The following RNF213 variants were observed in gnomAD, a reference collection of about 807,000 sequenced individuals.
The protein encoded by RNF213 is E3 ubiquitin-protein ligase RNF213.
Under a neutral mutation model 514.4 loss-of-function variants are expected in RNF213, and 341 were observed. The observed-to-expected ratio is 0.66, with a 90% CI of 0.61 to 0.73. RNF213 has a LOEUF of 0.73. Ranked by LOEUF, RNF213 falls within the 30% of genes least tolerant of loss-of-function variation. The pLI is 0.00. For synonymous variants in RNF213, 2,655 were observed against 2,658.2 expected (o/e 1.00, Z 0.04); for missense variants, 5,767 against 6,615.6 (o/e 0.87, Z 4.45).
chr17:80,279,116 T>C (rs987978485), intron 3 of RNF213, among the ~76,000 whole-genome samples: 8 of 152,236 alleles, frequency 5.3e-5, no homozygotes, highest in African/African-American at 1.9e-4. Flanking sequence ...GATGTTTTGC[T>C]AGTGGTGAAT....
At chr17:80,279,560 G>T (rs2044185385) in intron 3 of RNF213, among the ~76,000 whole-genome samples, 1 of 152,048 alleles carries the variant, frequency 6.6e-6, no homozygotes, top group South Asian at 2.1e-4. Flanking sequence ...CGCGTGCAGG[G>T]TTCAAGCGAT....
rs565127898 is a variant in RNF213, at chr17:80,316,827, G to C, written c.2812-361G>C. 1.6e-4 allele frequency among the ~76,000 whole-genome samples: 24 copies of C among 152,386 alleles called. No individual in the cohort carries two copies. In the East Asian group the frequency reaches 4.4e-3, roughly 28 times the overall value. ...AAAGCAGCTGTGTGAAGCGTGAATC[G>C]CACAGGACTGGAGTTGAATGAATGT... On this transcript the variant is annotated intron_variant, in intron 15 of 67. Transcript: ENST00000582970.
Position 80,346,484 on chromosome 17 carries a change from GA to G in RNF213, c.8150del (p.Asp2717AlafsTer9). The stretch of plus-strand genomic sequence containing the variant: ...CAGGTTCTTTCCGAAACCGTATGAC[GA>G]CAGCAGGCTGCTTCTGGATGAAATA... ...IARFFPKPYD[D>X]SRLLLDEITR... is the part of the protein sequence containing the mutation. On this transcript the variant is annotated frameshift_variant, in exon 29 of 68. Transcript: ENST00000582970. LOFTEE classifies it high-confidence loss of function. The surrounding 1 kb of genome is among the most constrained non-coding windows in gnomAD (Gnocchi z 8.1). The G allele has an allele frequency of 1.2e-6, 2 of 1,613,830 alleles. No homozygotes were observed. Among genetic ancestry groups the G allele is most frequent in the Non-Finnish European group, 1.7e-6 (2 of 1,180,044 alleles).
chr17:80,380,688 C>T (rs2079958376), intron 55 of RNF213, 143 bp from the exon 56 acceptor site: 3 of 978,536 alleles, frequency 3.1e-6, no homozygotes, highest in South Asian at 2.7e-5. Context: ...CTCTTAGGAA[C>T]ATGGTCCAGG....
At chr17:80,298,956 G>A (rs1274579775) in intron 11 of RNF213, among the ~76,000 whole-genome samples, 1 of 152,148 alleles carries the variant, frequency 6.6e-6, no homozygotes, top group Non-Finnish European at 1.5e-5. Flanking sequence ...TGTAGCTTGG[G>A]CGACAGAGCG....
At chr17:80,390,342 G>T in intron 67 of RNF213, 146 bp downstream of exon 67, 1 of 913,082 alleles carries the variant, frequency 1.1e-6, no homozygotes. Flanking sequence ...CTGAGGACTG[G>T]CTTTTTGGTT....
At chr17:80,363,866 C>T in intron 41 of RNF213, 76 bp downstream of exon 41, 1 of 1,423,208 alleles carries the variant, frequency 7.0e-7, no homozygotes, top group Non-Finnish European at 9.8e-7. Context: ...CCAGGCATGT[C>T]CATGAGAAGA....
intron 32 of RNF213, chr17:80,352,589 G>C (rs2078565561): frequency 1.8e-6 from 1 of 562,312 alleles, no homozygotes; most frequent in Admixed American, 3.1e-5. Context: ...AGAATGGAAG[G>C]CAGACCTTGC....
chr17:80,334,087 T>C lies in RNF213; in HGVS notation c.4144-18T>C. The stretch of plus-strand genomic sequence containing the variant: ...CTGGTTAATGAGTTCCAGTCCACAG[T>C]AGAGCTTTTTCTTGCAGACTGATAA... On this transcript the variant is annotated intron_variant, in intron 21 of 67. Coordinates refer to ENST00000582970, the MANE Select transcript of RNF213 (RefSeq NM_001256071.3). 2 of 1,537,046 alleles carry C rather than the reference T, an allele frequency of 1.3e-6. No homozygotes were observed. Among genetic ancestry groups the C allele is most frequent in the Non-Finnish European group, 1.7e-6 (2 of 1,146,836 alleles).
chr17:80,309,209 T>C, intron 14 of RNF213, 38 bp downstream of exon 14: 2 of 1,611,318 alleles, frequency 1.2e-6, no homozygotes, highest in Non-Finnish European at 1.7e-6. Flanking sequence ...ACACCCGGGA[T>C]AGGTGCGGAA....
chr17:80,388,591 C>A (rs1431145106), intron 63 of RNF213, 21 bp from the exon 64 acceptor site: 1 of 1,558,704 alleles, frequency 6.4e-7, no homozygotes, highest in Admixed American at 1.7e-5. Context: ...TTTTAAAAAA[C>A]TTTTTTCTTT....
At chr17:80,309,206 G>A (rs1199797344) in intron 14 of RNF213, 35 bp downstream of exon 14, 2 of 1,613,344 alleles carry the variant, frequency 1.2e-6, no homozygotes, top group Non-Finnish European at 1.7e-6. Context: ...ATCACACCCG[G>A]GATAGGTGCG....
intron 3 of RNF213, among the ~76,000 whole-genome samples, chr17:80,274,534 A>G (rs1320566843): frequency 1.9e-5 from 2 of 106,524 alleles, no homozygotes; most frequent in Middle Eastern, 4.7e-3. Context: ...TGTAGGTGGC[A>G]CTCCATGGTT....
Position 80,309,177 on chromosome 17 carries a change from T to C in RNF213, c.2655+6T>C. 2 of 1,614,148 alleles carry C rather than the reference T, an allele frequency of 1.2e-6. No individual in the cohort carries two copies. Among genetic ancestry groups the C allele is most frequent in the Non-Finnish European group, 1.7e-6 (2 of 1,180,036 alleles). On this transcript the variant is annotated splice_donor_region_variant and intron_variant, in intron 14 of 67. Transcript: ENST00000582970. ...TTAGACTTCTATCTCTGGTGGTAAGTGGAGTCAACACACAAGGTATCACAC... is the reference window on the plus strand; with the variant it reads ...TTAGACTTCTATCTCTGGTGGTAAGCGGAGTCAACACACAAGGTATCACAC...
At chr17:80,279,012 A>C (rs976303829) in intron 3 of RNF213, 66 of 1,465,414 alleles carry the variant, frequency 4.5e-5, no homozygotes, top group Admixed American at 4.5e-4. Context: ...AGTCCCTGCC[A>C]GTCGAGGAAG....
chr17:80,374,657 T>G, intron 50 of RNF213, 68 bp downstream of exon 50: 24 of 1,568,010 alleles, frequency 1.5e-5, no homozygotes, highest in Non-Finnish European at 1.9e-5. Context: ...GTTCCCTGGT[T>G]TATGTCAAAT....
intron 52 of RNF213, 64 bp downstream of exon 52, chr17:80,376,607 A>G: frequency 1.2e-6 from 2 of 1,609,088 alleles, no homozygotes; most frequent in East Asian, 2.2e-5. Flanking sequence ...GTCACTGTAG[A>G]GACCGAGCTG....
At position 80,347,528 on chromosome 17, in the gene RNF213, C is replaced by T. The variant is rs756602839; in HGVS notation, c.9193C>T (p.Gln3065Ter). Reference protein sequence around the residue: ...LQQTFFEGDQQPEIIFGSGFP... With the variant: ...LQQTFFEGDQ ...GCAGACATTCTTCGAGGGGGACCAG[C>T]AGCCGGAGATTATTTTTGGTTCTGG... The change falls in exon 29 of 68, where the codon CAG (glutamine) becomes TAG (stop). Residue 3065 changes from glutamine (Q) to a stop codon, truncating the protein, a stop_gained. Coordinates refer to ENST00000582970, the MANE Select transcript of RNF213 (RefSeq NM_001256071.3). LOFTEE classifies it high-confidence loss of function. This position sits in a 1 kb window ranked among gnomAD's most constrained non-coding sequence, Gnocchi z 7.2. The T allele has an allele frequency of 1.2e-6, 2 of 1,614,158 alleles. No homozygotes were observed. Among genetic ancestry groups the T allele is most frequent in the Non-Finnish European group, 1.7e-6 (2 of 1,180,046 alleles).
chr17:80,348,348 G>A (rs2078387079), intron 29 of RNF213, 62 bp downstream of exon 29: 4 of 1,596,244 alleles, frequency 2.5e-6, no homozygotes, highest in Non-Finnish European at 2.5e-6. Context: ...AATCCCTCGT[G>A]TCAGGATTCA....
Sources: gnomAD v4.1 joint callset for allele counts (sites outside exome capture counted in the v4.1 genomes callset) on GRCh38, gnomAD v4.1.1 for gene constraint, Gnocchi (gnomAD v3.1) non-coding constraint, MANE v1.5 for transcripts, NCBI Gene and HGNC (gene_info 2026-07-23, HGNC 2026-07-21) for gene names.